The following TIPRL variants were observed in gnomAD, a reference collection of about 807,000 sequenced individuals.
The protein encoded by TIPRL is TIP41-like protein.
TIPRL carries 10 observed loss-of-function variants against 32.3 expected under a neutral mutation model. That is an observed-to-expected ratio of 0.31 (90% CI 0.19 to 0.52). The LOEUF is 0.52. TIPRL is among the 20% of genes least tolerant of loss of function. TIPRL has a pLI of 0.96. For missense variants in TIPRL, 250 were observed against 328.1 expected, an observed-to-expected ratio of 0.76 and a Z score of 1.84; for synonymous variants, 100 against 114.0, an observed-to-expected ratio of 0.88 and a Z score of 0.78.
intron 1 of TIPRL, among the ~76,000 whole-genome samples, chr1:168,181,208 ATTCT>A (rs964163665): frequency 4.6e-5 from 6 of 131,604 alleles, no homozygotes; most frequent in African/African-American, 8.5e-5. Flanking sequence ...TTTTTTTCTT[ATTCT>A]TTCTTTCTAT....
chr1:168,186,563 A>G (rs1700030713), intron 3 of TIPRL, among the ~76,000 whole-genome samples: 1 of 152,200 alleles, frequency 6.6e-6, no homozygotes, highest in Non-Finnish European at 1.5e-5. Context: ...AATATCACAG[A>G]CTATTATATA....
Position 168,200,786 on chromosome 1 carries a change from T to C in TIPRL, c.*740T>C, listed in dbSNP as rs1052283223. 1 of 152,136 alleles carries C rather than the reference T, an allele frequency of 6.6e-6. No homozygotes were observed. 9.4% of individuals were successfully genotyped at this position (152,136 alleles called of 1,614,324 possible). A position where few individuals can be genotyped will look rare whatever the true frequency, so the allele number is the denominator to read the frequency against. ...AATGTGGTTCTACTTATACTGATAT[T>C]TTTAATTTCCATCTTCCATGCAACC... On this transcript the variant is annotated 3_prime_UTR_variant, in exon 7 of 7. Coordinates refer to ENST00000367833, the MANE Select transcript of TIPRL (RefSeq NM_152902.5).
chr1:168,178,993 G>A lies in TIPRL; in HGVS notation c.-85G>A. On this transcript the variant is annotated 5_prime_UTR_variant, in exon 1 of 7. Transcript: ENST00000367833. Reference sequence around the variant, plus strand: ...ACGGCTCGGAAGCCTAGGAGGCTGGGCCGGAGGGAGGCGGAGGAACCGGTG... The same window carrying A: ...ACGGCTCGGAAGCCTAGGAGGCTGGACCGGAGGGAGGCGGAGGAACCGGTG... 1 of 1,261,182 alleles carries A rather than the reference G, an allele frequency of 7.9e-7. No individual in the cohort carries two copies. Among genetic ancestry groups the A allele is most frequent in the South Asian group, 1.4e-5 (1 of 71,448 alleles). The allele number at this position is 1,261,182 out of a possible 1,614,324, so 78.1% of individuals were successfully genotyped here.
chr1:168,188,482 A>C (rs2102308807), intron 3 of TIPRL, among the ~76,000 whole-genome samples: 1 of 152,370 alleles, frequency 6.6e-6, no homozygotes, highest in South Asian at 2.1e-4. Context: ...TGCTTTAATA[A>C]AACTTTATGG....
At chr1:168,198,377 C>A (rs558623674) in intron 5 of TIPRL, among the ~76,000 whole-genome samples, 15 of 151,950 alleles carry the variant, frequency 9.9e-5, no homozygotes, top group Admixed American at 6.5e-4. Context: ...TAATAAGTTG[C>A]TGTTCTAAAA....
At chr1:168,182,979 T>C (rs562623409) in intron 1 of TIPRL, among the ~76,000 whole-genome samples, 201 of 152,222 alleles carry the variant, frequency 1.3e-3, no homozygotes, top group African/African-American at 4.5e-3. Context: ...CTGAAGACCA[T>C]TGTTAACATT....
intron 6 of TIPRL, among the ~76,000 whole-genome samples, chr1:168,199,568 T>C (rs186561725): frequency 1.1e-3 from 168 of 152,278 alleles, no homozygotes; most frequent in African/African-American, 3.8e-3. Context: ...CTACTTAGAT[T>C]CTATTGTAGA....
intron 6 of TIPRL, 27 bp from the exon 7 acceptor site, chr1:168,199,876 T>C (rs757363418): frequency 7.5e-6 from 12 of 1,602,264 alleles, no homozygotes; most frequent in Non-Finnish European, 1.0e-5. Context: ...TAACTGAATA[T>C]GCTAATATGA....
At chr1:168,182,378 C>T (rs1443943709) in intron 1 of TIPRL, among the ~76,000 whole-genome samples, 2 of 152,172 alleles carry the variant, frequency 1.3e-5, no homozygotes, top group Non-Finnish European at 2.9e-5. Flanking sequence ...GTAATCCCAG[C>T]ATTTTGGGAG....
At chr1:168,189,680 G>A (rs779944390) in intron 3 of TIPRL, among the ~76,000 whole-genome samples, 4 of 151,760 alleles carry the variant, frequency 2.6e-5, no homozygotes, top group African/African-American at 4.8e-5. Flanking sequence ...TTTTTTTTTT[G>A]TTGTATTTTT....
At chr1:168,193,822 A>G (rs16860177) in intron 4 of TIPRL, among the ~76,000 whole-genome samples, 5,938 of 152,326 alleles carry the variant, frequency 0.039, 166 homozygotes, top group African/African-American at 0.076. Flanking sequence ...CTTTGCAGCA[A>G]TCAACATATT....
At chr1:168,183,667 A>G (rs897163493) in intron 1 of TIPRL, among the ~76,000 whole-genome samples, 8 of 152,174 alleles carry the variant, frequency 5.3e-5, no homozygotes, top group Admixed American at 1.3e-4. Flanking sequence ...ATAAGCTATT[A>G]TATTACGTAT....
intron 3 of TIPRL, among the ~76,000 whole-genome samples, chr1:168,188,124 C>T (rs1318490829): frequency 6.6e-6 from 1 of 152,128 alleles, no homozygotes; most frequent in Non-Finnish European, 1.5e-5. Context: ...TATTAAATAG[C>T]AGCCCAAATG....
At chr1:168,190,581 A>G (rs755059992) in intron 3 of TIPRL, among the ~76,000 whole-genome samples, 7 of 150,194 alleles carry the variant, frequency 4.7e-5, no homozygotes, top group Admixed American at 3.3e-4. Flanking sequence ...TGGTTTGACA[A>G]GCATTGTTGT....
At chr1:168,181,130 G>A (rs1003786632) in intron 1 of TIPRL, among the ~76,000 whole-genome samples, 15 of 151,614 alleles carry the variant, frequency 9.9e-5, no homozygotes, top group African/African-American at 2.7e-4. Context: ...CTACAGGCGC[G>A]TGCCACCACG....
chr1:168,181,941 G>T (rs898405121), intron 1 of TIPRL, among the ~76,000 whole-genome samples: 1 of 151,832 alleles, frequency 6.6e-6, no homozygotes, highest in Non-Finnish European at 1.5e-5. Flanking sequence ...GTGCAGGCCT[G>T]TAATCCCAGC....
At chr1:168,199,004 T>G (rs745324474) in intron 6 of TIPRL, 23 bp downstream of exon 6, 2 of 1,580,880 alleles carry the variant, frequency 1.3e-6, no homozygotes, top group East Asian at 4.5e-5. Flanking sequence ...ATTTCAGTTT[T>G]TAGAAGTTAA....
At chr1:168,193,653 A>T (rs2102311834) in intron 4 of TIPRL, among the ~76,000 whole-genome samples, 1 of 152,282 alleles carries the variant, frequency 6.6e-6, no homozygotes, top group African/African-American at 2.4e-5. Context: ...TTGTGGATGG[A>T]GTTGCTTGAA....
chr1:168,181,698 G>A (rs1222590751), intron 1 of TIPRL, among the ~76,000 whole-genome samples: 7 of 151,900 alleles, frequency 4.6e-5, no homozygotes, highest in Admixed American at 1.3e-4. Flanking sequence ...AGCGATGGCT[G>A]TATACATGGA....
Sources: gnomAD v4.1 joint callset for allele counts (sites outside exome capture counted in the v4.1 genomes callset) on GRCh38, gnomAD v4.1.1 for gene constraint, MANE v1.5 for transcripts, NCBI Gene and HGNC (gene_info 2026-07-23, HGNC 2026-07-21) for gene names.